BCAS3: variants seen among roughly 807,000 people sequenced by gnomAD.
The protein encoded by BCAS3 is BCAS4/BCAS3 fusion.
In BCAS3, 53 loss-of-function variants were observed where a neutral mutation model predicts 116.1. That is an observed-to-expected ratio of 0.46 (90% CI 0.37 to 0.57). The LOEUF (loss-of-function observed/expected upper bound fraction) is 0.57, where lower values mean the gene tolerates loss of function less well. Ranked by LOEUF, BCAS3 falls within the 20% of genes least tolerant of loss-of-function variation. The probability of loss-of-function intolerance (pLI) is 0.00; values close to 1 mark genes in which losing one functional copy is unlikely to be tolerated. For synonymous variants in BCAS3, 391 were observed against 408.2 expected, an observed-to-expected ratio of 0.96 and a Z score of 0.51; for missense variants, 917 against 1,165.4, an observed-to-expected ratio of 0.79 and a Z score of 3.10.
rs2081015917 is a variant in BCAS3 at position 61,204,477 on chromosome 17, G to C, written c.2425+119913G>C. On this transcript the variant is annotated intron_variant, in intron 22 of 23. Transcript: ENST00000407086. The surrounding 1 kb of genome is among the most constrained non-coding windows in gnomAD (Gnocchi z 4.2). Reference sequence around the variant, plus strand: ...GCGCATTATGTGAAAAATTGAATTTGGGAAACATTGAGTGGAATATTTTTT... The same window carrying C: ...GCGCATTATGTGAAAAATTGAATTTCGGAAACATTGAGTGGAATATTTTTT... 6.6e-6 allele frequency among the ~76,000 whole-genome samples: 1 copy of C among 152,088 alleles called. No individual in the cohort carries two copies. Among genetic ancestry groups the C allele is most frequent in the Non-Finnish European group, 1.5e-5 (1 of 68,000 alleles).
intron 22 of BCAS3, among the ~76,000 whole-genome samples, chr17:61,350,634 CTTTTT>C (rs35195040): frequency 3.6e-5 from 5 of 140,460 alleles, no homozygotes; most frequent in African/African-American, 2.6e-5. Flanking sequence ...ATTATTCAGT[CTTTTT>C]TTTTTTTTTT....
At chr17:61,053,467 A>C (rs1457848876) in intron 19 of BCAS3, among the ~76,000 whole-genome samples, 1 of 152,220 alleles carries the variant, frequency 6.6e-6, no homozygotes, top group East Asian at 1.9e-4. Context: ...CGATACAAAA[A>C]GTTAAAGAAA....
rs1243785410 is a variant in BCAS3, at chr17:61,077,791, T to C, written c.2131-542T>C. ...TAATAAATATTATAATATTTTATTG[T>C]GGAAATAAAGTGGCTTTGGGCATTA... On this transcript the variant is annotated intron_variant, in intron 20 of 23. Transcript: ENST00000407086. This position sits in a 1 kb window ranked among gnomAD's most constrained non-coding sequence, Gnocchi z 4.3. 6.6e-6 allele frequency among the ~76,000 whole-genome samples: 1 copy of C among 152,210 alleles called. No individual in the cohort carries two copies. Among genetic ancestry groups the C allele is most frequent in the Non-Finnish European group, 1.5e-5 (1 of 68,034 alleles).
chr17:61,290,619 T>G (rs189557065), intron 22 of BCAS3, among the ~76,000 whole-genome samples: 13 of 152,318 alleles, frequency 8.5e-5, no homozygotes, highest in African/African-American at 3.1e-4. Context: ...TCTAATTTGT[T>G]TACTACCCAT....
intron 7 of BCAS3, among the ~76,000 whole-genome samples, chr17:60,859,123 TA>T (rs1312460879): frequency 6.6e-6 from 1 of 152,200 alleles, no homozygotes; most frequent in Non-Finnish European, 1.5e-5. Flanking sequence ...ACAACATTGA[TA>T]CAGAAAATAA....
chr17:61,366,129 T>A lies in BCAS3; in HGVS notation c.2426-2198T>A, dbSNP rs1422176483. The stretch of plus-strand genomic sequence containing the variant: ...CTGCACTCCATCCTGGGCGACAGAG[T>A]GAGACTGTCTCAAAAAAAAAAAAAA... On this transcript the variant is annotated intron_variant, in intron 22 of 23. Transcript: ENST00000407086. The surrounding 1 kb of genome is among the most constrained non-coding windows in gnomAD (Gnocchi z 4.5). 7.9e-6 allele frequency among the ~76,000 whole-genome samples: 1 copy of A among 127,304 alleles called. No individual in the cohort carries two copies. The highest frequency in any genetic ancestry group is 7.9e-5 in the Admixed American group (1 of 12,604). The allele number at this position is 127,304 out of a possible 152,430, so 83.5% of individuals were successfully genotyped here. A position where few individuals can be genotyped will look rare whatever the true frequency, so the allele number is the denominator to read the frequency against.
In BCAS3 at chr17:61,278,350, GT is replaced by G. The variant is rs1602372989; in HGVS notation, c.2426-89971del. The stretch of plus-strand genomic sequence containing the variant: ...GCCACCGTTCCCAGATAATTTTTGT[GT>G]TTTTTGTAGAGACAGGGTTTCGCCA... On this transcript the variant is annotated intron_variant, in intron 22 of 23. Coordinates refer to ENST00000407086, the MANE Select transcript of BCAS3 (RefSeq NM_017679.5). This position sits in a 1 kb window ranked among gnomAD's most constrained non-coding sequence, Gnocchi z 5.8. Among the ~76,000 whole-genome samples, 1 of 152,076 alleles carries G rather than the reference GT, an allele frequency of 6.6e-6. No homozygotes were observed. Among genetic ancestry groups the G allele is most frequent in the Non-Finnish European group, 1.5e-5 (1 of 68,018 alleles).
At chr17:61,010,181 A>C (rs1222949600) in intron 15 of BCAS3, among the ~76,000 whole-genome samples, 1 of 151,706 alleles carries the variant, frequency 6.6e-6, no homozygotes, top group African/African-American at 2.4e-5. Context: ...CGTGGCAACA[A>C]AGCCCATTGT....
rs2049599203 is a variant in BCAS3, at chr17:61,265,406, A to C, written c.2426-102921A>C. 6.7e-6 allele frequency among the ~76,000 whole-genome samples: 1 copy of C among 149,730 alleles called. No individual in the cohort carries two copies. Among genetic ancestry groups the C allele is most frequent in the South Asian group, 2.1e-4 (1 of 4,768 alleles). On this transcript the variant is annotated intron_variant, in intron 22 of 23. Coordinates refer to ENST00000407086, the MANE Select transcript of BCAS3 (RefSeq NM_017679.5). The surrounding 1 kb of genome is among the most constrained non-coding windows in gnomAD (Gnocchi z 4.3). Reference sequence around the variant, plus strand: ...GTAACAAGAGTGAAACTCTGTCTCAAGAAAAAAAAAAAAAGAAAGCACAGT... The same window carrying C: ...GTAACAAGAGTGAAACTCTGTCTCACGAAAAAAAAAAAAAGAAAGCACAGT...
chr17:60,746,903 G>A (rs1392415615), intron 5 of BCAS3, among the ~76,000 whole-genome samples: 4 of 152,152 alleles, frequency 2.6e-5, no homozygotes, highest in Non-Finnish European at 1.5e-5. Flanking sequence ...AGGCAGTTGT[G>A]CAGGAACTGT....
chr17:61,006,248 G>T (rs542716763), intron 15 of BCAS3, among the ~76,000 whole-genome samples: 2 of 151,986 alleles, frequency 1.3e-5, no homozygotes, highest in Non-Finnish European at 2.9e-5. Flanking sequence ...ATTCTTTAAT[G>T]TATAGGTATA....
chr17:60,850,344 T>C (rs1568377229), intron 7 of BCAS3, among the ~76,000 whole-genome samples: 1 of 127,942 alleles, frequency 7.8e-6, no homozygotes, highest in African/African-American at 3.5e-5. Flanking sequence ...CTGGCACCAC[T>C]GTTTTTTTTT....
chr17:61,100,880 C>A (rs1254232676), intron 22 of BCAS3, among the ~76,000 whole-genome samples: 1 of 151,724 alleles, frequency 6.6e-6, no homozygotes, highest in African/African-American at 2.4e-5. Context: ...TTTTTGTTTT[C>A]AACAGTTGAA....
At chr17:61,165,614 A>T (rs1013974694) in intron 22 of BCAS3, among the ~76,000 whole-genome samples, 3 of 152,202 alleles carry the variant, frequency 2.0e-5, no homozygotes, top group African/African-American at 4.8e-5. Flanking sequence ...TCAACCTGGG[A>T]GGCAGAGGTT....
rs1332077060 is a variant in BCAS3 at position 61,097,748 on chromosome 17, G to A, written c.2425+13184G>A. Among the ~76,000 whole-genome samples, 2 of 152,118 alleles carry A rather than the reference G, an allele frequency of 1.3e-5. No individual in the cohort carries two copies. Among genetic ancestry groups the A allele is most frequent in the Non-Finnish European group, 2.9e-5 (2 of 68,024 alleles). On this transcript the variant is annotated intron_variant, in intron 22 of 23. Transcript: ENST00000407086. This position sits in a 1 kb window ranked among gnomAD's most constrained non-coding sequence, Gnocchi z 4.0. Reference sequence around the variant, plus strand: ...TTTAATCTTCTTTAATTAGGATCAAGGTCCATTTTAGCAATAGTCAAAGAA... The same window carrying A: ...TTTAATCTTCTTTAATTAGGATCAAAGTCCATTTTAGCAATAGTCAAAGAA...
chr17:60,708,324 CAAAAA>C lies in BCAS3; in HGVS notation c.215-880_215-876del, dbSNP rs1211925653. Among the ~76,000 whole-genome samples the C allele has an allele frequency of 6.7e-3, 510 of 75,732 alleles. 7 individuals carry two copies. Among genetic ancestry groups the C allele is most frequent in the African/African-American group, 0.017 (490 of 29,666 alleles). The allele number at this position is 75,732 out of a possible 152,430, so 49.7% of individuals were successfully genotyped here. A position where few individuals can be genotyped will look rare whatever the true frequency, so the allele number is the denominator to read the frequency against. ...TGGATGAAGGAGTGAGATTCTGTCT[CAAAAA>C]AAAAAAAAAAAAAAGTTTGTGGAGA... On this transcript the variant is annotated intron_variant, in intron 4 of 23. Transcript: ENST00000407086.
intron 22 of BCAS3, among the ~76,000 whole-genome samples, chr17:61,358,085 C>T (rs2058254166): frequency 1.1e-5 from 1 of 90,182 alleles, no homozygotes; most frequent in South Asian, 3.4e-4. Flanking sequence ...GAGACTCCAT[C>T]TCAAAAAAAA....
chr17:60,698,526 A>C (rs2035947931), intron 4 of BCAS3, among the ~76,000 whole-genome samples: 1 of 152,118 alleles, frequency 6.6e-6, no homozygotes, highest in African/African-American at 2.4e-5. Flanking sequence ...TATCACCACC[A>C]TCCAGAGAAA....
intron 16 of BCAS3, among the ~76,000 whole-genome samples, chr17:61,030,125 T>C (rs1486892235): frequency 1.3e-5 from 2 of 152,158 alleles, no homozygotes; most frequent in African/African-American, 4.8e-5. Flanking sequence ...AAAGCTGTTA[T>C]ACCACTTGTA....
Sources: allele counts gnomAD v4.1 joint callset (sites outside exome capture counted in the v4.1 genomes callset), GRCh38; gene constraint gnomAD v4.1.1; non-coding constraint Gnocchi (gnomAD v3.1); transcripts MANE v1.5; gene names NCBI Gene and HGNC (gene_info 2026-07-23, HGNC 2026-07-21).